Variants in TMEM43 observed in about 807,000 individuals in gnomAD.
The protein encoded by TMEM43 is transmembrane protein 43.
A neutral mutation model predicts 49.6 loss-of-function variants in TMEM43; 45 were observed. The ratio of observed to expected loss-of-function variants is 0.91; its 90% confidence interval spans 0.71 to 1.16. TMEM43 has a LOEUF of 1.16. Among genes scored for constraint, TMEM43 ranks in the 50% most tolerant of loss-of-function variants. The probability of loss-of-function intolerance (pLI) is 0.00; values close to 1 mark genes in which losing one functional copy is unlikely to be tolerated. For missense variants in TMEM43, 532 were observed against 516.6 expected (o/e 1.03, Z -0.29); for synonymous variants, 199 against 207.8 (o/e 0.96, Z 0.36).
intron 10 of TMEM43, chr3:14,137,029 A>G (rs1368622586): frequency 6.7e-6 from 1 of 149,634 alleles, no homozygotes; most frequent in Non-Finnish European, 1.5e-5. Context: ...TTTTCATTCC[A>G]GAGTGGCCAG....
intron 2 of TMEM43, among the ~76,000 whole-genome samples, chr3:14,130,381 A>ACC (rs1331557361): frequency 6.6e-6 from 1 of 151,612 alleles, no homozygotes; most frequent in African/African-American, 2.4e-5. Flanking sequence ...CAAGCCTGTA[A>ACC]CCCCAGCACT....
chr3:14,128,841 A>C (rs1170381399), intron 1 of TMEM43: 3 of 423,976 alleles, frequency 7.1e-6, no homozygotes, highest in African/African-American at 4.1e-5. Context: ...TCACAGCAGC[A>C]TTATTCATAA....
chr3:14,141,460 T>A, intron 11 of TMEM43, 133 bp from the exon 12 acceptor site: 1 of 887,058 alleles, frequency 1.1e-6, no homozygotes, highest in Middle Eastern at 2.9e-4. Context: ...CTCCTTGCCT[T>A]CCACCCACTG....
intron 7 of TMEM43, 61 bp from the exon 8 acceptor site, chr3:14,134,709 A>G (rs1205608555): frequency 3.4e-5 from 55 of 1,611,798 alleles, no homozygotes; most frequent in Non-Finnish European, 4.4e-5. Flanking sequence ...CAGGCCAGGG[A>G]CTTTGCAGAT....
intron 10 of TMEM43, 139 bp from the exon 11 acceptor site, chr3:14,139,041 G>A (rs1695213751): frequency 5.6e-6 from 4 of 715,356 alleles, no homozygotes; most frequent in Non-Finnish European, 1.0e-5. Flanking sequence ...CCCTATAGGA[G>A]GCTTGCCCCC....
chr3:14,141,803 C>T lies in TMEM43; in HGVS notation c.*8C>T, dbSNP rs192707412. On this transcript the variant is annotated 3_prime_UTR_variant, in exon 12 of 12. Coordinates refer to ENST00000306077, the MANE Select transcript of TMEM43 (RefSeq NM_024334.3). ...GCCAAAAAGTTGGAGTGAAAAGACC[C>T]TGGCACCCGCCCGACACCTGCGTGA... The T allele has an allele frequency of 4.0e-4, 648 of 1,611,350 alleles. 4 individuals are homozygous for T. The African/African-American group carries it at 7.8e-3, about 19-fold the overall frequency.
intron 10 of TMEM43, chr3:14,137,278 A>C (rs1366752583): frequency 7.3e-6 from 1 of 137,090 alleles, no homozygotes; most frequent in Non-Finnish European, 1.5e-5. Context: ...TCACCCTTCC[A>C]CCAGCAGCTG....
Position 14,141,874 on chromosome 3 carries a change from C to T in TMEM43, c.*79C>T. 3 of 1,445,446 alleles carry T rather than the reference C, an allele frequency of 2.1e-6. No homozygotes were observed. The highest frequency in any genetic ancestry group is 1.9e-6 in the Non-Finnish European group (2 of 1,065,730). The allele number at this position is 1,445,446 out of a possible 1,614,324, so 89.5% of individuals were successfully genotyped here. ...TCTCACCTCTGACCCAGCTCCATGC[C>T]AGAGCAGGAGCCCCGGTCAATTTTG... On this transcript the variant is annotated 3_prime_UTR_variant, in exon 12 of 12. Coordinates refer to ENST00000306077, the MANE Select transcript of TMEM43 (RefSeq NM_024334.3).
intron 5 of TMEM43, 24 bp from the exon 6 acceptor site, chr3:14,132,842 G>C: frequency 6.2e-7 from 1 of 1,613,046 alleles, no homozygotes. Context: ...CCCGGGCTCT[G>C]AGTTGATTCC....
At chr3:14,140,671 G>A (rs1695235227) in intron 11 of TMEM43, among the ~76,000 whole-genome samples, 2 of 152,220 alleles carry the variant, frequency 1.3e-5, no homozygotes, top group South Asian at 4.1e-4. Flanking sequence ...GACCCTGTGG[G>A]TAAAATGGAG....
intron 6 of TMEM43, among the ~76,000 whole-genome samples, chr3:14,133,186 A>T (rs1695120417): frequency 6.6e-6 from 1 of 152,238 alleles, no homozygotes; most frequent in Admixed American, 6.5e-5. Flanking sequence ...GGGGATTTGC[A>T]CACACGGGGC....
In TMEM43 at chr3:14,134,654, G is replaced by C. The variant is rs540550037; in HGVS notation, c.584-116G>C. 2.4e-5 allele frequency: 33 copies of C among 1,349,258 alleles called. No individual in the cohort carries two copies. In the South Asian group the frequency reaches 3.7e-4, roughly 15 times the overall value. 83.6% of individuals were successfully genotyped at this position (1,349,258 alleles called of 1,614,324 possible). A position where few individuals can be genotyped will look rare whatever the true frequency, so the allele number is the denominator to read the frequency against. Reference sequence around the variant, plus strand: ...AGAGTCAGAAAGAGGCACTGCAGGTGGGAGTGCCACGTGTGCAGGCTCCAG... The same window carrying C: ...AGAGTCAGAAAGAGGCACTGCAGGTCGGAGTGCCACGTGTGCAGGCTCCAG... On this transcript the variant is annotated intron_variant, in intron 7 of 11. Coordinates refer to ENST00000306077, the MANE Select transcript of TMEM43 (RefSeq NM_024334.3).
chr3:14,127,914 C>T (rs940907288), intron 1 of TMEM43, among the ~76,000 whole-genome samples: 3 of 152,176 alleles, frequency 2.0e-5, no homozygotes, highest in African/African-American at 7.2e-5. Context: ...TTAGCTGGGC[C>T]CCACTTTACA....
intron 10 of TMEM43, 181 bp downstream of exon 10, chr3:14,136,089 G>T: frequency 1.4e-6 from 1 of 702,502 alleles, no homozygotes; most frequent in Admixed American, 2.0e-5. Context: ...TCAGATTCCA[G>T]ATTTTTTTGG....
chr3:14,131,296 C>T (rs1055579414), intron 3 of TMEM43, among the ~76,000 whole-genome samples: 8 of 152,252 alleles, frequency 5.3e-5, no homozygotes, highest in Non-Finnish European at 7.3e-5. Context: ...CCCTGGGCAC[C>T]AGAGCTTTCC....
At position 14,133,779 on chromosome 3, in the gene TMEM43, G is replaced by A. The variant is rs1254599090; in HGVS notation, c.553G>A (p.Val185Ile). ...GTCATTCATGGCAACAGCCCCCTTT[G>A]TCCAAATTGGCAGGTTTTTCCTCTC... is the stretch of plus-strand genomic sequence containing the variant. Reference protein sequence around the residue: ...VESFMATAPFVQIGRFFLSSG... With the variant: ...VESFMATAPFIQIGRFFLSSG... Residue 185 changes from valine (V) to isoleucine (I), a missense_variant, in exon 7 of 12, where the codon GTC becomes ATC. Physicochemically the swap from Val to Ile is conservative, Grantham distance 29. Coordinates refer to ENST00000306077, the MANE Select transcript of TMEM43 (RefSeq NM_024334.3). 1.9e-6 allele frequency: 3 copies of A among 1,614,136 alleles called. No individual in the cohort carries two copies. In the African/African-American group the frequency reaches 4.0e-5, roughly 22 times the overall value.
At chr3:14,141,539 G>A (rs1695245584) in intron 11 of TMEM43, 54 bp from the exon 12 acceptor site, 1 of 1,528,640 alleles carries the variant, frequency 6.5e-7, no homozygotes, top group African/African-American at 1.4e-5. Context: ...GAGATCTGCT[G>A]AGCTGGTGAG....
chr3:14,128,358 C>T (rs774009679), intron 1 of TMEM43, among the ~76,000 whole-genome samples: 3 of 152,216 alleles, frequency 2.0e-5, no homozygotes, highest in Non-Finnish European at 2.9e-5. Flanking sequence ...ACTGCTCCCA[C>T]CCAGCCAAAG....
rs759390824 is a variant in TMEM43 at position 14,141,727 on chromosome 3, A to G, written c.1135A>G (p.Ile379Val). ...CTACCGACCCCTGTGGGCCCTCCTC[A>G]TTGCCGGCCTGGCCCTTGTGCCCAT... ...LFYRPLWALL[I>V]AGLALVPILV... The change falls in exon 12 of 12, where the codon ATT becomes GTT. Residue 379 changes from isoleucine to valine, a missense_variant. Ile to Val is a conservative substitution (Grantham distance 29). Coordinates refer to ENST00000306077, the MANE Select transcript of TMEM43 (RefSeq NM_024334.3). 2.5e-6 allele frequency: 4 copies of G among 1,613,858 alleles called. No homozygotes were observed. The highest frequency in any genetic ancestry group is 1.1e-5 in the South Asian group (1 of 91,062).
Sources: gnomAD v4.1 joint callset for allele counts (sites outside exome capture counted in the v4.1 genomes callset) on GRCh38, gnomAD v4.1.1 for gene constraint, MANE v1.5 for transcripts, NCBI Gene and HGNC (gene_info 2026-07-23, HGNC 2026-07-21) for gene names.